Variants in RIMS3 observed in about 807,000 individuals in gnomAD.
RIMS3 encodes the protein regulating synaptic membrane exocytosis protein 3.
Under a neutral mutation model 29.2 loss-of-function variants are expected in RIMS3, and 15 were observed. The ratio of observed to expected loss-of-function variants is 0.51; its 90% CI spans 0.34 to 0.79. The LOEUF (loss-of-function observed/expected upper bound fraction) is 0.79. RIMS3 is among the 30% of genes least tolerant of loss of function. The pLI is 0.01. For synonymous variants in RIMS3, 161 were observed against 170.1 expected, an observed-to-expected ratio of 0.95 and a Z score of 0.41; for missense variants, 342 against 421.4, an observed-to-expected ratio of 0.81 and a Z score of 1.65.
At chr1:40,632,421 TATATATATATATATATATA>T (rs1646494919) in intron 5 of RIMS3, among the ~76,000 whole-genome samples, 1 of 6,316 alleles carries the variant, frequency 1.6e-4, no homozygotes, top group African/African-American at 1.0e-3. Flanking sequence ...TATAAATTTA[TATATATATATATATATATA>T]TATATATATA....
At chr1:40,631,126 G>A (rs1004083162) in intron 5 of RIMS3, among the ~76,000 whole-genome samples, 3 of 152,220 alleles carry the variant, frequency 2.0e-5, no homozygotes, top group African/African-American at 4.8e-5. Context: ...TGTGGGTCAG[G>A]TGCTGCTCAG....
At chr1:40,685,281 TTATTAATATATATATTATATA>T in the RIMS3 span, among the ~76,000 whole-genome samples, 1 of 77,892 alleles carries the variant, frequency 1.3e-5, no homozygotes, top group African/African-American at 6.3e-5. Flanking sequence ...AAAACATAAT[TTATTAATATATATATTATATA>T]TATTAATATA....
At chr1:40,653,488 CCTTT>C (rs1642225876) in intron 1 of RIMS3, among the ~76,000 whole-genome samples, 2 of 152,148 alleles carry the variant, frequency 1.3e-5, no homozygotes, top group African/African-American at 4.8e-5. Flanking sequence ...ACCCTGACTC[CCTTT>C]CTAAGGCACA....
At chr1:40,653,117 C>T (rs961697978) in intron 1 of RIMS3, among the ~76,000 whole-genome samples, 5 of 152,172 alleles carry the variant, frequency 3.3e-5, no homozygotes, top group Admixed American at 2.0e-4. Flanking sequence ...TGAGATAATG[C>T]TGCAACTCCC....
the RIMS3 span, among the ~76,000 whole-genome samples, chr1:40,684,339 C>G: frequency 6.6e-6 from 1 of 152,190 alleles, no homozygotes. Flanking sequence ...AAGGCTCTTT[C>G]CATGAAGCAA....
intron 1 of RIMS3, among the ~76,000 whole-genome samples, chr1:40,657,418 G>A (rs1414130123): frequency 2.0e-5 from 3 of 152,142 alleles, no homozygotes; most frequent in Admixed American, 6.6e-5. Flanking sequence ...AATCTAGCCT[G>A]TAAATGCCTA....
Position 40,622,062 on chromosome 1 carries a change from C to T in RIMS3, c.*4455G>A, listed in dbSNP as rs10889501. The T allele has an allele frequency of 0.19, 27,951 of 149,808 alleles. 2,827 individuals carry two copies. Among genetic ancestry groups the T allele is most frequent in the African/African-American group, 0.27 (10,964 of 41,056 alleles). The allele number at this position is 149,808 out of a possible 1,614,324, so 9.3% of individuals were successfully genotyped here. A position where few individuals can be genotyped will look rare whatever the true frequency, so the allele number is the denominator to read the frequency against. ...CCCACACAAGCCCAAGCTCAGGGTT[C>T]GGGGGGAGGGGAGGGAGGGAAAGTT... On this transcript the variant is annotated 3_prime_UTR_variant, in exon 8 of 8. Transcript: ENST00000372684.
the RIMS3 span, among the ~76,000 whole-genome samples, chr1:40,677,878 A>T: frequency 2.6e-5 from 4 of 152,112 alleles, no homozygotes; most frequent in African/African-American, 9.7e-5. Flanking sequence ...GATCATTCAT[A>T]ATCTTAACCT....
chr1:40,636,065 C>G lies in RIMS3; in HGVS notation c.218-8G>C, dbSNP rs542963097. On this transcript the variant is annotated splice_polypyrimidine_tract_variant and splice_region_variant and intron_variant, in intron 3 of 7. Transcript: ENST00000372684. This position sits in a 1 kb window ranked among gnomAD's most constrained non-coding sequence, Gnocchi z 4.2. ...GCTTCTTGGTGGCCCCTTCTGTGACCCCCCCAACCCCAAGCACAGAGAGGG... is the reference window on the plus strand; with the variant it reads ...GCTTCTTGGTGGCCCCTTCTGTGACGCCCCCAACCCCAAGCACAGAGAGGG... 7 of 1,601,918 alleles carry G rather than the reference C, an allele frequency of 4.4e-6. No homozygotes were observed. The highest frequency in any genetic ancestry group is 1.7e-5 in the Admixed American group (1 of 59,986).
chr1:40,644,125 C>T (rs1012860027), intron 2 of RIMS3, among the ~76,000 whole-genome samples: 8 of 152,204 alleles, frequency 5.3e-5, no homozygotes, highest in Admixed American at 6.5e-5. Context: ...GGGCTAAGCC[C>T]TAGGACAAAG....
At chr1:40,663,459 A>T (rs775258392) in intron 1 of RIMS3, among the ~76,000 whole-genome samples, 2 of 152,084 alleles carry the variant, frequency 1.3e-5, no homozygotes, top group Non-Finnish European at 2.9e-5. Flanking sequence ...ATCAACCACC[A>T]GCCTGCTCCC....
chr1:40,651,345 C>T (rs942061218), intron 1 of RIMS3, among the ~76,000 whole-genome samples: 1 of 152,184 alleles, frequency 6.6e-6, no homozygotes, highest in East Asian at 1.9e-4. Context: ...CGCGTCAATG[C>T]GCCAAGGAAC....
the RIMS3 span, chr1:40,691,404 G>A: frequency 4.7e-6 from 1 of 213,094 alleles, no homozygotes. Flanking sequence ...TCAAGGGCAC[G>A]CGCACACACC....
At chr1:40,677,875 C>T in the RIMS3 span, among the ~76,000 whole-genome samples, 2 of 152,136 alleles carry the variant, frequency 1.3e-5, no homozygotes, top group Non-Finnish European at 1.5e-5. Flanking sequence ...AGGGATCATT[C>T]ATAATCTTAA....
At position 40,647,851 on chromosome 1, in the gene RIMS3, G is replaced by A. The variant is rs1303030606; in HGVS notation, c.-206-9C>T. The A allele has an allele frequency of 6.6e-6, 1 of 152,250 alleles. No homozygotes were observed. The highest frequency in any genetic ancestry group is 1.5e-5 in the Non-Finnish European group (1 of 68,054). The allele number at this position is 152,250 out of a possible 1,614,324, so 9.4% of individuals were successfully genotyped here. On this transcript the variant is annotated splice_polypyrimidine_tract_variant and intron_variant, in intron 1 of 7. Transcript: ENST00000372684. ...CGATGTGATAAAAGGGTCTGGAAGG[G>A]AAGAGAGGAGCTTAGAGGAAGGGCT...
the RIMS3 span, chr1:40,691,862 G>A: frequency 3.1e-5 from 13 of 422,166 alleles, no homozygotes; most frequent in Admixed American, 2.1e-4. Context: ...GGACTCCTGA[G>A]CAGAGGTGTG....
At chr1:40,675,693 G>A in the RIMS3 span, among the ~76,000 whole-genome samples, 18,373 of 151,000 alleles carry the variant, frequency 0.12, 1,235 homozygotes, top group African/African-American at 0.15. Flanking sequence ...GGGAGGCGGA[G>A]GTTGCGGTGA....
chr1:40,683,821 C>T, the RIMS3 span, among the ~76,000 whole-genome samples: 1 of 152,234 alleles, frequency 6.6e-6, no homozygotes, highest in African/African-American at 2.4e-5. Flanking sequence ...GATAAAGGTT[C>T]TGTCCTCTGA....
At chr1:40,656,099 T>TG (rs1404175994) in intron 1 of RIMS3, among the ~76,000 whole-genome samples, 1 of 152,214 alleles carries the variant, frequency 6.6e-6, no homozygotes, top group Non-Finnish European at 1.5e-5. Flanking sequence ...CTAGGGGCAG[T>TG]GGCTCACACC....
Sources: gnomAD v4.1 joint callset for allele counts (sites outside exome capture counted in the v4.1 genomes callset) on GRCh38, gnomAD v4.1.1 for gene constraint, Gnocchi (gnomAD v3.1) non-coding constraint, MANE v1.5 for transcripts, NCBI Gene and HGNC (gene_info 2026-07-23, HGNC 2026-07-21) for gene names.